The following CLEC16A variants were observed in gnomAD, a reference collection of about 807,000 sequenced individuals.
The protein encoded by CLEC16A is C-type lectin domain containing 16A.
In CLEC16A, 51 loss-of-function variants were observed where a neutral mutation model predicts 109.5. The ratio of observed to expected loss-of-function variants is 0.47; its 90% CI spans 0.37 to 0.59. The LOEUF (loss-of-function observed/expected upper bound fraction) is 0.59. Ranked by LOEUF, CLEC16A falls within the 20% of genes least tolerant of loss-of-function variation. CLEC16A has a pLI of 0.00. For synonymous variants in CLEC16A, 673 were observed against 564.2 expected, an observed-to-expected ratio of 1.19 and a Z score of -2.73; for missense variants, 1,339 against 1,394.0, an observed-to-expected ratio of 0.96 and a Z score of 0.63.
chr16:11,143,115 C>T (rs1451240754), intron 22 of CLEC16A, among the ~76,000 whole-genome samples: 1 of 152,188 alleles, frequency 6.6e-6, no homozygotes. Context: ...CCCGGCCTAT[C>T]CAGTAAACAT....
In CLEC16A at chr16:11,040,944, C is replaced by T. The variant is rs550715562; in HGVS notation, c.1660+1068C>T. 9 of 152,272 alleles carry T rather than the reference C, an allele frequency of 5.9e-5. 1 individual carries two copies. The Middle Eastern group carries it at 0.014, about 230-fold the overall frequency. The allele number at this position is 152,272 out of a possible 1,614,324, so 9.4% of individuals were successfully genotyped here. On this transcript the variant is annotated intron_variant, in intron 14 of 23. Transcript: ENST00000409790. ...CTTTAGTTTTTTCCCAGTGACCTAT[C>T]GTGGTCTCTGATGTTTCCAAGGCCT...
chr16:10,998,220 G>A (rs1404078285), intron 10 of CLEC16A, among the ~76,000 whole-genome samples: 1 of 152,224 alleles, frequency 6.6e-6, no homozygotes, highest in African/African-American at 2.4e-5. Context: ...GCAGGCAGGT[G>A]CAGACGCTTA....
chr16:11,070,719 C>A (rs1326319119), intron 19 of CLEC16A: 1 of 152,304 alleles, frequency 6.6e-6, no homozygotes, highest in African/African-American at 2.4e-5. Flanking sequence ...TGTGACACCA[C>A]CTCCCTGTCT....
intron 17 of CLEC16A, among the ~76,000 whole-genome samples, chr16:11,051,294 C>T (rs1408481689): frequency 6.6e-6 from 1 of 152,208 alleles, no homozygotes; most frequent in Non-Finnish European, 1.5e-5. Context: ...GCTGCTGCTT[C>T]AATTAAAGGA....
At chr16:10,965,547 C>T (rs1596780006) in intron 3 of CLEC16A, among the ~76,000 whole-genome samples, 1 of 152,308 alleles carries the variant, frequency 6.6e-6, no homozygotes, top group South Asian at 2.1e-4. Flanking sequence ...GGAGTGGCAG[C>T]TTGTTGTGCT....
At chr16:11,089,355 G>A (rs1053677527) in intron 19 of CLEC16A, among the ~76,000 whole-genome samples, 7 of 152,128 alleles carry the variant, frequency 4.6e-5, no homozygotes, top group East Asian at 1.9e-4. Flanking sequence ...GGAAGCACCC[G>A]AGGGACCATC....
chr16:10,977,988 T>C (rs183124709), intron 8 of CLEC16A, among the ~76,000 whole-genome samples: 78 of 152,362 alleles, frequency 5.1e-4, no homozygotes, highest in African/African-American at 1.6e-3. Flanking sequence ...TTTTGGTTTC[T>C]GTGCATCCTT....
chr16:11,007,299 A>G (rs1398298240), intron 11 of CLEC16A, among the ~76,000 whole-genome samples: 3 of 142,190 alleles, frequency 2.1e-5, no homozygotes, highest in African/African-American at 7.7e-5. Flanking sequence ...GGGAGTTTAG[A>G]GACCCATCTT....
intron 22 of CLEC16A, among the ~76,000 whole-genome samples, chr16:11,134,924 C>T (rs1447503068): frequency 1.3e-5 from 2 of 152,336 alleles, no homozygotes; most frequent in Non-Finnish European, 1.5e-5. Context: ...CCCACATCCT[C>T]GTGCCCCAAG....
chr16:11,096,714 G>A (rs1271455430), intron 19 of CLEC16A, among the ~76,000 whole-genome samples: 1 of 152,180 alleles, frequency 6.6e-6, no homozygotes, highest in African/African-American at 2.4e-5. Context: ...TCACCAAGCT[G>A]TGTGTCTCAT....
intron 16 of CLEC16A, among the ~76,000 whole-genome samples, chr16:11,046,520 A>G (rs1405569601): frequency 6.6e-6 from 1 of 152,138 alleles, no homozygotes; most frequent in Non-Finnish European, 1.5e-5. Flanking sequence ...GAGATGCAGC[A>G]GTTCTAAGGG....
chr16:11,016,422 C>T (rs765194057), intron 11 of CLEC16A, among the ~76,000 whole-genome samples: 23 of 151,174 alleles, frequency 1.5e-4, no homozygotes, highest in Admixed American at 3.3e-4. Context: ...AATCTTGGCT[C>T]ACTGCAACCC....
chr16:10,949,720 G>C (rs2041624551), intron 1 of CLEC16A, among the ~76,000 whole-genome samples: 1 of 152,198 alleles, frequency 6.6e-6, no homozygotes, highest in Non-Finnish European at 1.5e-5. Context: ...GCTGTGGTCT[G>C]GCTGAAGCTG....
intron 11 of CLEC16A, among the ~76,000 whole-genome samples, chr16:11,009,138 T>C (rs1053635797): frequency 1.1e-4 from 17 of 152,368 alleles, no homozygotes; most frequent in Middle Eastern, 3.4e-3. Flanking sequence ...GTTCTGTCTT[T>C]ATGGGTTTGA....
intron 10 of CLEC16A, among the ~76,000 whole-genome samples, chr16:10,994,970 C>T (rs928741850): frequency 2.6e-5 from 4 of 152,192 alleles, no homozygotes; most frequent in Non-Finnish European, 5.9e-5. Context: ...GGCACTGGGG[C>T]TAGTTTATTC....
At chr16:11,131,521 G>T (rs760829436) in intron 22 of CLEC16A, among the ~76,000 whole-genome samples, 11 of 152,218 alleles carry the variant, frequency 7.2e-5, no homozygotes, top group Admixed American at 2.0e-4. Flanking sequence ...ACCCTGGTGG[G>T]TTGGTGGGTG....
chr16:11,168,935 T>C (rs534513117), intron 23 of CLEC16A, among the ~76,000 whole-genome samples: 1 of 152,326 alleles, frequency 6.6e-6, no homozygotes, highest in East Asian at 1.9e-4. Context: ...CGTGGCTCGC[T>C]CACCCAACTT....
chr16:11,114,409 C>A (rs549700941), intron 19 of CLEC16A, among the ~76,000 whole-genome samples: 1 of 152,082 alleles, frequency 6.6e-6, no homozygotes, highest in African/African-American at 2.4e-5. Flanking sequence ...CAGGCAGTCT[C>A]ATGTCACCTG....
intron 1 of CLEC16A, among the ~76,000 whole-genome samples, chr16:10,946,547 G>A (rs1596683647): frequency 1.3e-5 from 2 of 152,108 alleles, no homozygotes; most frequent in Non-Finnish European, 2.9e-5. Flanking sequence ...GGCCGGGAAA[G>A]GGAGTGGTTG....
Sources: allele counts gnomAD v4.1 joint callset (sites outside exome capture counted in the v4.1 genomes callset), GRCh38; gene constraint gnomAD v4.1.1; transcripts MANE v1.5; gene names NCBI Gene and HGNC (gene_info 2026-07-23, HGNC 2026-07-21).